RCBTB1: variants seen among roughly 807,000 people sequenced by gnomAD.
RCBTB1 encodes the protein RCC1 and BTB domain-containing protein 1.
RCBTB1 carries 46 observed loss-of-function variants against 62.4 expected under a neutral mutation model. The ratio of observed to expected loss-of-function variants is 0.74; its 90% CI spans 0.58 to 0.94. The LOEUF (loss-of-function observed/expected upper bound fraction) is 0.94, where lower values mean the gene tolerates loss of function less well. Ranked by LOEUF, RCBTB1 falls within the 40% of genes least tolerant of loss-of-function variation. RCBTB1 has a pLI of 0.00. For missense variants in RCBTB1, 565 were observed against 654.9 expected, an observed-to-expected ratio of 0.86 and a Z score of 1.50; for synonymous variants, 222 against 245.8, an observed-to-expected ratio of 0.90 and a Z score of 0.91.
intron 2 of RCBTB1, among the ~76,000 whole-genome samples, chr13:49,572,348 G>A (rs1963459755): frequency 6.6e-6 from 1 of 150,496 alleles, no homozygotes; most frequent in Non-Finnish European, 1.5e-5. Flanking sequence ...AAAAAATGCA[G>A]GATCCATTGC....
At position 49,555,596 on chromosome 13, in the gene RCBTB1, A is replaced by T; in HGVS notation, c.522T>A (p.Val174=). The T allele has an allele frequency of 6.2e-7, 1 of 1,613,668 alleles. No individual in the cohort carries two copies. Among genetic ancestry groups the T allele is most frequent in the South Asian group, 1.1e-5 (1 of 91,024 alleles). ...CCCTCTTAATATGTAAACAGTTTGT[A>T]ACTTTTCGAGGAGTTGGTTGATTTG... ...STANQPTPRK[V]TNCLHIKRVV... Residue 174 remains valine, a synonymous_variant, in exon 6 of 13, where the codon GTT becomes GTA. Transcript: ENST00000378302.
At chr13:49,572,230 G>A (rs917841218) in intron 2 of RCBTB1, among the ~76,000 whole-genome samples, 1 of 152,056 alleles carries the variant, frequency 6.6e-6, no homozygotes, top group African/African-American at 2.4e-5. Flanking sequence ...GGGAGGCTGA[G>A]GTGGAAGGAT....
At chr13:49,555,066 G>A (rs1961731491) in intron 6 of RCBTB1, among the ~76,000 whole-genome samples, 1 of 152,170 alleles carries the variant, frequency 6.6e-6, no homozygotes, top group South Asian at 2.1e-4. Flanking sequence ...ACAACAGTCA[G>A]GACCCCACAA....
At position 49,540,772 on chromosome 13, in the gene RCBTB1, G is replaced by A. The variant is rs1960280990; in HGVS notation, c.1455+104C>T. On this transcript the variant is annotated intron_variant, in intron 12 of 12. Coordinates refer to ENST00000378302, the MANE Select transcript of RCBTB1 (RefSeq NM_018191.4). ...AATGGGTTCACTGATTCCCTAAACA[G>A]AAGTGGAGTGACTCATCGTTTTCCA... is the stretch of plus-strand genomic sequence containing the variant. 7.2e-6 allele frequency: 9 copies of A among 1,251,252 alleles called. No individual in the cohort carries two copies. In the African/African-American group the frequency reaches 7.6e-5, roughly 11 times the overall value. 77.5% of individuals were successfully genotyped at this position (1,251,252 alleles called of 1,614,324 possible). A position where few individuals can be genotyped will look rare whatever the true frequency, so the allele number is the denominator to read the frequency against.
At chr13:49,551,221 G>C in intron 8 of RCBTB1, 105 bp downstream of exon 8, 2 of 1,339,492 alleles carry the variant, frequency 1.5e-6, no homozygotes, top group Non-Finnish European at 2.1e-6. Flanking sequence ...AAATGAGAAT[G>C]TTAATAAACA....
At chr13:49,548,344 G>C (rs1017667608) in intron 9 of RCBTB1, among the ~76,000 whole-genome samples, 1 of 149,794 alleles carries the variant, frequency 6.7e-6, no homozygotes, top group Non-Finnish European at 1.5e-5. Flanking sequence ...AGCCGAGATC[G>C]CGCCATTGCA....
At chr13:49,561,257 C>T (rs1962409552) in intron 4 of RCBTB1, among the ~76,000 whole-genome samples, 1 of 152,192 alleles carries the variant, frequency 6.6e-6, no homozygotes. Flanking sequence ...GCTGGTCACT[C>T]ACAGCAGTCC....
intron 2 of RCBTB1, among the ~76,000 whole-genome samples, chr13:49,579,026 A>T (rs1297653631): frequency 6.6e-6 from 1 of 152,164 alleles, no homozygotes; most frequent in Non-Finnish European, 1.5e-5. Flanking sequence ...CAAGGTACAA[A>T]CAGCCAAATG....
intron 2 of RCBTB1, among the ~76,000 whole-genome samples, chr13:49,567,542 T>G (rs1000999566): frequency 6.6e-6 from 1 of 152,070 alleles, no homozygotes; most frequent in Non-Finnish European, 1.5e-5. Context: ...GAACTAGCTG[T>G]TTGTCTTGCC....
rs9568248 is a variant in RCBTB1 at position 49,551,654 on chromosome 13, G to A, written c.712-186C>T. The stretch of plus-strand genomic sequence containing the variant: ...GGTGGCTCATGCCTGTAATCCCAGC[G>A]CTTTGGGAGGCCGAGGCAGGCAGAT... On this transcript the variant is annotated intron_variant, in intron 7 of 12. Coordinates refer to ENST00000378302, the MANE Select transcript of RCBTB1 (RefSeq NM_018191.4). Among the ~76,000 whole-genome samples, 37,274 of 152,016 alleles carry A rather than the reference G, an allele frequency of 0.25. 5,920 individuals are homozygous for A. The highest frequency in any genetic ancestry group is 0.44 in the African/African-American group (18,438 of 41,466).
chr13:49,546,677 C>CGCAA (rs1960810486), intron 9 of RCBTB1, among the ~76,000 whole-genome samples: 2 of 152,302 alleles, frequency 1.3e-5, no homozygotes, highest in Admixed American at 1.3e-4. Flanking sequence ...ATAAGGAGCT[C>CGCAA]GCAACCTGTA....
Position 49,549,638 on chromosome 13 carries a change from T to C in RCBTB1, c.865A>G (p.Ile289Val), listed in dbSNP as rs779059509. Residue 289 changes from isoleucine (I) to valine (V), a missense_variant, in exon 9 of 13, where the codon ATT becomes GTT. Transcript: ENST00000378302. ...GTGTGGGCAGAGTGACAGGCTGCAA[T>C]CTCTACCACCCTGAAAAGTTTTAAG... is the stretch of plus-strand genomic sequence containing the variant. ...IMVEKERVVE[I>V]AACHSAHTSA... The C allele has an allele frequency of 6.2e-7, 1 of 1,609,208 alleles. No individual in the cohort carries two copies. Among genetic ancestry groups the C allele is most frequent in the Non-Finnish European group, 8.5e-7 (1 of 1,176,734 alleles).
Position 49,559,983 on chromosome 13 carries a change from T to C in RCBTB1, c.379A>G (p.Ile127Val). Residue 127 changes from isoleucine (I) to valine (V), a missense_variant, in exon 5 of 13, where the codon ATC (isoleucine) becomes GTC (valine). Physicochemically the swap from Ile to Val is conservative, Grantham distance 29. Coordinates refer to ENST00000378302, the MANE Select transcript of RCBTB1 (RefSeq NM_018191.4). The stretch of plus-strand genomic sequence containing the variant: ...CAAGCTACTTCCACCACTTGCTTGA[T>C]CAAGAGATTGGTACAGACCTGGACG... ...APVQVCTNLLIKQVVEVACGS... is the reference protein window; with the variant it reads ...APVQVCTNLLVKQVVEVACGS... 7 of 1,614,162 alleles carry C rather than the reference T, an allele frequency of 4.3e-6. No individual in the cohort carries two copies. The highest frequency in any genetic ancestry group is 5.1e-6 in the Non-Finnish European group (6 of 1,180,010).
chr13:49,544,870 G>T lies in RCBTB1; in HGVS notation c.1046-7C>A. Reference sequence around the variant, plus strand: ...GTTAAAAAGTCTTCATGCTCTGAAGGCAACAAACATATATTAATATGGCAA... The same window carrying T: ...GTTAAAAAGTCTTCATGCTCTGAAGTCAACAAACATATATTAATATGGCAA... On this transcript the variant is annotated splice_polypyrimidine_tract_variant and splice_region_variant and intron_variant, in intron 9 of 12. Transcript: ENST00000378302. The T allele has an allele frequency of 6.2e-7, 1 of 1,602,878 alleles. No individual in the cohort carries two copies. The highest frequency in any genetic ancestry group is 8.5e-7 in the Non-Finnish European group (1 of 1,175,398).
At chr13:49,567,103 C>T (rs773016795) in intron 3 of RCBTB1, 51 bp downstream of exon 3, 2 of 1,586,790 alleles carry the variant, frequency 1.3e-6, no homozygotes, top group Non-Finnish European at 1.7e-6. Flanking sequence ...ACTTTGAAGA[C>T]CAATTGCCAA....
rs567383828 is a variant in RCBTB1, at chr13:49,545,163, T to C, written c.1046-300A>G. 5.9e-5 allele frequency among the ~76,000 whole-genome samples: 9 copies of C among 152,304 alleles called. No homozygotes were observed. The East Asian group carries it at 1.5e-3, about 26-fold the overall frequency. On this transcript the variant is annotated intron_variant, in intron 9 of 12. Coordinates refer to ENST00000378302, the MANE Select transcript of RCBTB1 (RefSeq NM_018191.4). ...AAAAATTATAGGTACTTCATGATAA[T>C]ATAATAACCCCCTCTCAAAACGAGT...
At chr13:49,548,900 T>G (rs1407272631) in intron 9 of RCBTB1, among the ~76,000 whole-genome samples, 2 of 98,604 alleles carry the variant, frequency 2.0e-5, no homozygotes, top group Admixed American at 1.7e-4. Context: ...CCAGGCACAG[T>G]GGCAGGTGGA....
chr13:49,568,659 G>T (rs376684559), intron 2 of RCBTB1, among the ~76,000 whole-genome samples: 31 of 152,012 alleles, frequency 2.0e-4, no homozygotes, highest in South Asian at 1.5e-3. Context: ...GGGGGAGGGG[G>T]GTGGCTCACA....
intron 4 of RCBTB1, among the ~76,000 whole-genome samples, chr13:49,561,645 A>G (rs1005173430): frequency 5.3e-5 from 8 of 152,222 alleles, no homozygotes; most frequent in African/African-American, 1.9e-4. Context: ...ACATAAACTT[A>G]TAAAGTTTAA....
Sources: gnomAD v4.1 joint callset for allele counts (sites outside exome capture counted in the v4.1 genomes callset) on GRCh38, gnomAD v4.1.1 for gene constraint, MANE v1.5 for transcripts, NCBI Gene and HGNC (gene_info 2026-07-23, HGNC 2026-07-21) for gene names.